The following PRIMA1 variants were observed in gnomAD, a reference collection of about 807,000 sequenced individuals.
PRIMA1 encodes proline-rich membrane anchor 1.
Under a neutral mutation model 17.5 loss-of-function variants are expected in PRIMA1, and 7 were observed. The observed-to-expected ratio is 0.40, with a 90% CI of 0.23 to 0.75. The LOEUF (loss-of-function observed/expected upper bound fraction) is 0.75, where lower values mean the gene tolerates loss of function less well. Ranked by LOEUF, PRIMA1 falls within the 30% of genes least tolerant of loss-of-function variation. The probability of loss-of-function intolerance (pLI) is 0.37; values close to 1 mark genes in which losing one functional copy is unlikely to be tolerated. For missense variants in PRIMA1, 200 were observed against 201.8 expected (o/e 0.99, Z 0.05); for synonymous variants, 97 against 77.9 (o/e 1.25, Z -1.29).
chr14:93,725,860 G>A (rs747012470), intron 4 of PRIMA1: 39 of 444,006 alleles, frequency 8.8e-5, no homozygotes, highest in Non-Finnish European at 1.4e-4. Flanking sequence ...GTGGGGCTCC[G>A]GAAATGCTAG....
At chr14:93,776,136 T>C (rs542335706) in intron 3 of PRIMA1, among the ~76,000 whole-genome samples, 144 of 152,182 alleles carry the variant, frequency 9.5e-4, no homozygotes, top group Non-Finnish European at 1.7e-3. Flanking sequence ...CCAGGAGAAA[T>C]CAGGAGAGAG....
rs893012644 is a variant in PRIMA1 at position 93,726,618 on chromosome 14, A to T, written c.360-5072T>A. ...GCAAACACACACATATATAATATAC[A>T]CATAGACACATGTACACATGCACAA... On this transcript the variant is annotated intron_variant, in intron 4 of 4. Transcript: ENST00000393140. This position sits in a 1 kb window ranked among gnomAD's most constrained non-coding sequence, Gnocchi z 4.2. 6.6e-6 allele frequency among the ~76,000 whole-genome samples: 1 copy of T among 152,068 alleles called. No homozygotes were observed. The highest frequency in any genetic ancestry group is 1.5e-5 in the Non-Finnish European group (1 of 68,000).
chr14:93,771,795 G>C (rs543115821), intron 3 of PRIMA1, among the ~76,000 whole-genome samples: 111 of 152,228 alleles, frequency 7.3e-4, no homozygotes, highest in African/African-American at 2.6e-3. Flanking sequence ...GTGGACAGAA[G>C]GACTATACGT....
chr14:93,779,409 G>A lies in PRIMA1; in HGVS notation c.94-98C>T, dbSNP rs1408223279. On this transcript the variant is annotated intron_variant, in intron 2 of 4. Coordinates refer to ENST00000393140, the MANE Select transcript of PRIMA1 (RefSeq NM_178013.4). ...GCCACCCCGTCCCCTGCCAGGCTGG[G>A]ACTTGGGATTCCTTTCCAAGACCAA... The A allele has an allele frequency of 8.6e-6, 9 of 1,046,622 alleles. No homozygotes were observed. The East Asian group carries it at 2.5e-4, about 29-fold the overall frequency. The allele number at this position is 1,046,622 out of a possible 1,614,324, so 64.8% of individuals were successfully genotyped here.
intron 3 of PRIMA1, among the ~76,000 whole-genome samples, chr14:93,765,512 A>G (rs1884869480): frequency 6.6e-6 from 1 of 150,740 alleles, no homozygotes; most frequent in African/African-American, 2.4e-5. Flanking sequence ...ACACTATTGT[A>G]AGCACTGAAC....
chr14:93,766,948 A>T (rs1267484186), intron 3 of PRIMA1, among the ~76,000 whole-genome samples: 1 of 152,246 alleles, frequency 6.6e-6, no homozygotes, highest in Non-Finnish European at 1.5e-5. Flanking sequence ...CATGAGACAC[A>T]GCGAAAGGAC....
intron 3 of PRIMA1, among the ~76,000 whole-genome samples, chr14:93,754,142 C>T (rs1478756296): frequency 6.6e-6 from 1 of 152,202 alleles, no homozygotes; most frequent in Non-Finnish European, 1.5e-5. Flanking sequence ...AGTTGCTAAG[C>T]ACTTGTCATG....
In PRIMA1 at chr14:93,779,269, C is replaced by T; in HGVS notation, c.136G>A (p.Asp46Asn). The T allele has an allele frequency of 1.9e-6, 3 of 1,545,046 alleles. No individual in the cohort carries two copies. Among genetic ancestry groups the T allele is most frequent in the Non-Finnish European group, 2.6e-6 (3 of 1,152,804 alleles). ...CACTGGCAGACGTGTCGGCAGCTGT[C>T]AGTCACTTTGGAGCAGGACTTCTGG... ...EPQKSCSKVT[D>N]SCRHVCQCRP... is the part of the protein sequence containing the mutation. The change falls in exon 3 of 5, where the codon GAC becomes AAC. Residue 46 changes from aspartate to asparagine, a missense_variant. Coordinates refer to ENST00000393140, the MANE Select transcript of PRIMA1 (RefSeq NM_178013.4).
chr14:93,761,037 T>C (rs935422084), intron 3 of PRIMA1, among the ~76,000 whole-genome samples: 7 of 152,032 alleles, frequency 4.6e-5, no homozygotes, highest in African/African-American at 9.7e-5. Context: ...CAGTTTTCCA[T>C]AGCACTTGAA....
At chr14:93,767,229 GCTAA>G (rs59304082) in intron 3 of PRIMA1, among the ~76,000 whole-genome samples, 23,904 of 152,128 alleles carry the variant, frequency 0.16, 2,074 homozygotes, top group East Asian at 0.26. Flanking sequence ...CAAGCCCTGG[GCTAA>G]CTAACTATCT....
intron 2 of PRIMA1, among the ~76,000 whole-genome samples, chr14:93,783,482 C>T (rs1013523218): frequency 6.6e-6 from 1 of 151,820 alleles, no homozygotes; most frequent in Admixed American, 6.5e-5. Flanking sequence ...GAGAGGAAGC[C>T]TCGGGTGTCT....
At chr14:93,733,084 C>T (rs963440857) in intron 4 of PRIMA1, among the ~76,000 whole-genome samples, 1 of 152,210 alleles carries the variant, frequency 6.6e-6, no homozygotes. Context: ...TGCATGGGCT[C>T]CCTATGGCTG....
chr14:93,740,630 G>A (rs1234496359), intron 3 of PRIMA1, among the ~76,000 whole-genome samples: 3 of 152,230 alleles, frequency 2.0e-5, no homozygotes, highest in Admixed American at 6.5e-5. Flanking sequence ...CAGTCACACC[G>A]ACACTCCTGT....
intron 3 of PRIMA1, among the ~76,000 whole-genome samples, chr14:93,747,495 TG>T (rs990555113): frequency 7.5e-4 from 114 of 152,066 alleles, no homozygotes; most frequent in African/African-American, 2.6e-3. Context: ...GAGCCATATC[TG>T]GGGGGAGAAG....
intron 4 of PRIMA1, among the ~76,000 whole-genome samples, chr14:93,730,365 C>T (rs1447652585): frequency 1.3e-5 from 2 of 152,238 alleles, no homozygotes; most frequent in African/African-American, 2.4e-5. Flanking sequence ...GCTCTATACT[C>T]GTCCAGGATG....
At chr14:93,769,110 C>T (rs995987014) in intron 3 of PRIMA1, among the ~76,000 whole-genome samples, 2 of 152,146 alleles carry the variant, frequency 1.3e-5, no homozygotes, top group African/African-American at 2.4e-5. Context: ...CATGTTCATA[C>T]CTGCATTGTG....
At chr14:93,722,746 G>A (rs1462894020) in intron 4 of PRIMA1, among the ~76,000 whole-genome samples, 1 of 148,482 alleles carries the variant, frequency 6.7e-6, no homozygotes, top group Non-Finnish European at 1.5e-5. Flanking sequence ...GTTAACAGTG[G>A]TGGTGATGGA....
chr14:93,746,022 C>G (rs552181386), intron 3 of PRIMA1, among the ~76,000 whole-genome samples: 2 of 152,280 alleles, frequency 1.3e-5, no homozygotes, highest in East Asian at 3.9e-4. Flanking sequence ...CTGCAGAACT[C>G]TGATTCCCCT....
chr14:93,728,240 C>G (rs1212303540), intron 4 of PRIMA1, among the ~76,000 whole-genome samples: 4 of 152,202 alleles, frequency 2.6e-5, no homozygotes, highest in Middle Eastern at 3.2e-3. Context: ...GACCTGGCAC[C>G]AGGTTGGTAG....
Sources: allele counts gnomAD v4.1 joint callset (sites outside exome capture counted in the v4.1 genomes callset), GRCh38; gene constraint gnomAD v4.1.1; non-coding constraint Gnocchi (gnomAD v3.1); transcripts MANE v1.5; gene names NCBI Gene and HGNC (gene_info 2026-07-23, HGNC 2026-07-21).